The following ANO3 variants were observed in gnomAD, a reference collection of about 807,000 sequenced individuals.
The protein encoded by ANO3 is anoctamin-3.
ANO3 carries 99 observed loss-of-function variants against 144.8 expected under a neutral mutation model. The ratio of observed to expected loss-of-function variants is 0.68; its 90% CI spans 0.58 to 0.81. The LOEUF (loss-of-function observed/expected upper bound fraction) is 0.81. Among genes scored for constraint, ANO3 ranks in the 30% least tolerant of loss-of-function variants. ANO3 has a pLI of 0.00. For missense variants in ANO3, 905 were observed against 1,202.2 expected (o/e 0.75, Z 3.66); for synonymous variants, 414 against 392.6 (o/e 1.05, Z -0.64).
At chr11:26,382,017 ACTCT>A (rs761825378) in intron 1 of ANO3, among the ~76,000 whole-genome samples, 2 of 152,040 alleles carry the variant, frequency 1.3e-5, no homozygotes, top group Non-Finnish European at 2.9e-5. Flanking sequence ...TAATACATTC[ACTCT>A]CTATTTCATA....
In ANO3 at chr11:26,547,401, T is replaced by G; in HGVS notation, c.1155-15T>G. Reference sequence around the variant, plus strand: ...GTTGCCTTAACTCAGTCTAAGGATTTGCTTTCTCATGCAGGCTATACTTTG... The same window carrying G: ...GTTGCCTTAACTCAGTCTAAGGATTGGCTTTCTCATGCAGGCTATACTTTG... On this transcript the variant is annotated splice_polypyrimidine_tract_variant and intron_variant, in intron 11 of 26. Transcript: ENST00000256737. The G allele has an allele frequency of 6.2e-7, 1 of 1,610,240 alleles. No homozygotes were observed. Among genetic ancestry groups the G allele is most frequent in the South Asian group, 1.1e-5 (1 of 90,852 alleles).
chr11:26,656,364 T>C lies in ANO3; in HGVS notation c.2658-12T>C. The C allele has an allele frequency of 6.4e-7, 1 of 1,566,864 alleles. No homozygotes were observed. Among genetic ancestry groups the C allele is most frequent in the Non-Finnish European group, 8.8e-7 (1 of 1,139,282 alleles). On this transcript the variant is annotated splice_polypyrimidine_tract_variant and intron_variant, in intron 25 of 26. Transcript: ENST00000256737. Reference sequence around the variant, plus strand: ...CTCTATTTGTCATTCTCTTTGTTTTTGTGGATTTCAGGTACAGAGACTACA... The same window carrying C: ...CTCTATTTGTCATTCTCTTTGTTTTCGTGGATTTCAGGTACAGAGACTACA...
intron 7 of ANO3, among the ~76,000 whole-genome samples, chr11:26,526,906 T>C (rs17243398): frequency 0.088 from 13,382 of 152,202 alleles, 836 homozygotes; most frequent in Admixed American, 0.14. Context: ...AAATTAGTCA[T>C]TGGAATATTA....
At chr11:26,629,818 A>G (rs376018568) in intron 18 of ANO3, among the ~76,000 whole-genome samples, 243 of 152,138 alleles carry the variant, frequency 1.6e-3, no homozygotes, top group African/African-American at 5.6e-3. Flanking sequence ...TTTAGTAGAG[A>G]CAGGGTTTCT....
At chr11:26,316,148 T>C (rs963468114) in intron 1 of ANO3, among the ~76,000 whole-genome samples, 1 of 152,210 alleles carries the variant, frequency 6.6e-6, no homozygotes, top group South Asian at 2.1e-4. Flanking sequence ...CAGCCCTTAA[T>C]GCAATGGGGC....
At chr11:26,569,760 T>C (rs1308276648) in intron 14 of ANO3, among the ~76,000 whole-genome samples, 2 of 152,138 alleles carry the variant, frequency 1.3e-5, no homozygotes, top group African/African-American at 4.8e-5. Context: ...CTATGTTATA[T>C]ACTTGCTTTA....
chr11:26,606,395 T>C (rs1338668727), intron 17 of ANO3, among the ~76,000 whole-genome samples: 1 of 152,190 alleles, frequency 6.6e-6, no homozygotes, highest in Non-Finnish European at 1.5e-5. Context: ...GAGAAGGATG[T>C]ATATTCTGTT....
At chr11:26,460,214 G>A (rs1859335889) in intron 3 of ANO3, 1 of 350,834 alleles carries the variant, frequency 2.9e-6, no homozygotes, top group Middle Eastern at 5.6e-4. Context: ...TTCTACTTCT[G>A]TTATATATTT....
chr11:26,211,768 T>C (rs1292136486), intron 1 of ANO3, among the ~76,000 whole-genome samples: 3 of 152,210 alleles, frequency 2.0e-5, no homozygotes, highest in African/African-American at 7.2e-5. Context: ...ACATGTTTGT[T>C]TATTGCGGCA....
intron 1 of ANO3, among the ~76,000 whole-genome samples, chr11:26,254,072 A>G (rs896052122): frequency 1.3e-5 from 2 of 152,214 alleles, no homozygotes; most frequent in African/African-American, 2.4e-5. Context: ...CTGTTTTACA[A>G]TATGAATTCA....
chr11:26,512,525 T>C (rs564664316), intron 5 of ANO3, among the ~76,000 whole-genome samples: 26 of 152,302 alleles, frequency 1.7e-4, no homozygotes, highest in African/African-American at 6.3e-4. Flanking sequence ...TTCTGCTTTG[T>C]TTTTTATGTA....
intron 1 of ANO3, among the ~76,000 whole-genome samples, chr11:26,340,555 A>AT (rs1564972901): frequency 6.6e-6 from 1 of 152,186 alleles, no homozygotes; most frequent in Non-Finnish European, 1.5e-5. Context: ...AGAAATCTGT[A>AT]TTTTTTACAA....
At chr11:26,526,978 G>A (rs1386192193) in intron 7 of ANO3, among the ~76,000 whole-genome samples, 5 of 152,096 alleles carry the variant, frequency 3.3e-5, no homozygotes, top group African/African-American at 1.2e-4. Context: ...CCTGCTTATT[G>A]TTGGATGGCT....
At chr11:26,233,783 T>C (rs1198057585) in intron 1 of ANO3, among the ~76,000 whole-genome samples, 3 of 152,336 alleles carry the variant, frequency 2.0e-5, no homozygotes, top group African/African-American at 7.2e-5. Flanking sequence ...TGAGTTCATG[T>C]CCTTTGCAGG....
chr11:26,353,598 A>G (rs529493506), intron 1 of ANO3, among the ~76,000 whole-genome samples: 1 of 151,894 alleles, frequency 6.6e-6, no homozygotes, highest in African/African-American at 2.4e-5. Context: ...TTTGGATGGA[A>G]TCTCGCTGTC....
chr11:26,219,880 C>T (rs1187725745), intron 1 of ANO3, among the ~76,000 whole-genome samples: 1 of 152,134 alleles, frequency 6.6e-6, no homozygotes, highest in Admixed American at 6.5e-5. Context: ...AGCTGAGGGA[C>T]CCAGAAAACA....
chr11:26,531,546 A>G (rs1158007460), intron 8 of ANO3, among the ~76,000 whole-genome samples: 1 of 152,200 alleles, frequency 6.6e-6, no homozygotes, highest in Non-Finnish European at 1.5e-5. Flanking sequence ...TTCAGTAGTG[A>G]ATAATTAATT....
chr11:26,194,266 A>G (rs1307069579), intron 1 of ANO3, among the ~76,000 whole-genome samples: 1 of 152,188 alleles, frequency 6.6e-6, no homozygotes, highest in East Asian at 1.9e-4. Context: ...AGTTATCCCC[A>G]GGAATATCTG....
intron 1 of ANO3, among the ~76,000 whole-genome samples, chr11:26,333,577 C>T (rs1442548779): frequency 6.6e-6 from 1 of 152,092 alleles, no homozygotes; most frequent in Non-Finnish European, 1.5e-5. Context: ...CCACTGTACC[C>T]GGCCCTTGAC....
Sources: gnomAD v4.1 joint callset for allele counts (sites outside exome capture counted in the v4.1 genomes callset) on GRCh38, gnomAD v4.1.1 for gene constraint, MANE v1.5 for transcripts, NCBI Gene and HGNC (gene_info 2026-07-23, HGNC 2026-07-21) for gene names.